OPCML: variants seen among roughly 807,000 people sequenced by gnomAD.
OPCML encodes the protein opioid-binding protein/cell adhesion molecule.
In OPCML, 13 loss-of-function variants were observed where a neutral mutation model predicts 37.8. The ratio of observed to expected loss-of-function variants is 0.34; its 90% CI spans 0.22 to 0.55. The LOEUF (loss-of-function observed/expected upper bound fraction) is 0.55, where lower values mean the gene tolerates loss of function less well. Ranked by LOEUF, OPCML falls within the 20% of genes least tolerant of loss-of-function variation. The probability of loss-of-function intolerance (pLI) is 0.91; values close to 1 mark genes in which losing one functional copy is unlikely to be tolerated. For missense variants in OPCML, 341 were observed against 435.6 expected, an observed-to-expected ratio of 0.78 and a Z score of 1.93; for synonymous variants, 176 against 168.8, an observed-to-expected ratio of 1.04 and a Z score of -0.33.
At chr11:133,118,677 TC>T (rs1233236258) in intron 1 of OPCML, among the ~76,000 whole-genome samples, 3 of 151,778 alleles carry the variant, frequency 2.0e-5, no homozygotes, top group Non-Finnish European at 2.9e-5. Context: ...TGTCCCCAGT[TC>T]ACTCCCGCTC....
chr11:132,440,018 G>A (rs757815721), intron 4 of OPCML, among the ~76,000 whole-genome samples: 4 of 152,166 alleles, frequency 2.6e-5, no homozygotes, highest in African/African-American at 7.2e-5. Flanking sequence ...TGACCTACAC[G>A]TAGGGAGGGG....
intron 2 of OPCML, among the ~76,000 whole-genome samples, chr11:132,882,071 T>C (rs927056856): frequency 5.9e-5 from 9 of 152,100 alleles, no homozygotes; most frequent in Non-Finnish European, 1.3e-4. Flanking sequence ...AGGACAGAAG[T>C]CATTTGGTGT....
intron 7 of OPCML, among the ~76,000 whole-genome samples, chr11:132,428,321 C>T (rs1480556326): frequency 1.3e-5 from 2 of 152,300 alleles, no homozygotes; most frequent in Middle Eastern, 3.4e-3. Flanking sequence ...TGTATAGAGG[C>T]TATAACTGAT....
chr11:132,560,570 T>C (rs767692089), intron 3 of OPCML, among the ~76,000 whole-genome samples: 9 of 152,208 alleles, frequency 5.9e-5, no homozygotes, highest in Non-Finnish European at 1.2e-4. Context: ...TGTTTTCTCA[T>C]AGTTTAGCTC....
chr11:133,321,021 T>C (rs1396278276), intron 1 of OPCML, among the ~76,000 whole-genome samples: 5 of 152,024 alleles, frequency 3.3e-5, no homozygotes, highest in Non-Finnish European at 5.9e-5. Flanking sequence ...CTCCTCTTCT[T>C]AAGGAGACTT....
chr11:132,424,217 T>A (rs2136667082), intron 7 of OPCML, among the ~76,000 whole-genome samples: 1 of 152,182 alleles, frequency 6.6e-6, no homozygotes, highest in Non-Finnish European at 1.5e-5. Flanking sequence ...CCTCCTGGGT[T>A]CACGCCGTTC....
chr11:133,050,961 C>G (rs139302602), intron 1 of OPCML, among the ~76,000 whole-genome samples: 1 of 152,080 alleles, frequency 6.6e-6, no homozygotes, highest in Admixed American at 6.6e-5. Context: ...AACAGGTGCT[C>G]TCTGTCCCCA....
chr11:133,184,638 A>G (rs1158391066), intron 1 of OPCML, among the ~76,000 whole-genome samples: 1 of 152,202 alleles, frequency 6.6e-6, no homozygotes, highest in Non-Finnish European at 1.5e-5. Context: ...TAAATTAACT[A>G]TCTACTTAGA....
intron 2 of OPCML, among the ~76,000 whole-genome samples, chr11:132,897,490 G>A (rs1377935450): frequency 6.6e-6 from 1 of 152,188 alleles, no homozygotes; most frequent in East Asian, 1.9e-4. Context: ...AATGTCCTTG[G>A]TGTCTACTCC....
At chr11:132,982,634 C>G (rs948431151) in intron 1 of OPCML, among the ~76,000 whole-genome samples, 4 of 152,156 alleles carry the variant, frequency 2.6e-5, no homozygotes, top group Non-Finnish European at 4.4e-5. Flanking sequence ...CTTCACCCTT[C>G]ACCTTGGTTC....
At chr11:132,911,378 G>A (rs1944423065) in intron 2 of OPCML, among the ~76,000 whole-genome samples, 1 of 152,196 alleles carries the variant, frequency 6.6e-6, no homozygotes, top group African/African-American at 2.4e-5. Flanking sequence ...CTATGGTGCA[G>A]AAAGAGACAC....
At chr11:133,515,328 T>C (rs1183523648) in intron 1 of OPCML, among the ~76,000 whole-genome samples, 1 of 152,144 alleles carries the variant, frequency 6.6e-6, no homozygotes, top group African/African-American at 2.4e-5. Context: ...ATGATTTTGC[T>C]CCCCAGGGGG....
At chr11:133,028,436 C>T (rs907628938) in intron 1 of OPCML, among the ~76,000 whole-genome samples, 1 of 151,988 alleles carries the variant, frequency 6.6e-6, no homozygotes, top group East Asian at 1.9e-4. Flanking sequence ...TCCCACCACG[C>T]CACTCACTTT....
chr11:132,441,108 A>G (rs971809658), intron 4 of OPCML, among the ~76,000 whole-genome samples: 1 of 151,680 alleles, frequency 6.6e-6, no homozygotes, highest in African/African-American at 2.4e-5. Flanking sequence ...GGGGTAAGCA[A>G]GATGGCCTGT....
intron 2 of OPCML, among the ~76,000 whole-genome samples, chr11:132,807,555 G>T (rs1344945160): frequency 1.3e-5 from 2 of 152,198 alleles, no homozygotes; most frequent in Admixed American, 6.5e-5. Context: ...CACACATACT[G>T]GTTCTGAATG....
intron 1 of OPCML, among the ~76,000 whole-genome samples, chr11:133,364,763 C>T (rs1396685975): frequency 6.6e-6 from 1 of 151,908 alleles, no homozygotes; most frequent in African/African-American, 2.4e-5. Flanking sequence ...TTAGTGAGAA[C>T]TCTGAATTTT....
At chr11:133,140,606 A>C (rs1949765308) in intron 1 of OPCML, among the ~76,000 whole-genome samples, 1 of 148,066 alleles carries the variant, frequency 6.8e-6, no homozygotes, top group African/African-American at 2.5e-5. Flanking sequence ...AGAAAGAAGA[A>C]AGAGAAGAAG....
intron 1 of OPCML, among the ~76,000 whole-genome samples, chr11:133,191,623 A>G (rs938587987): frequency 1.3e-5 from 2 of 151,634 alleles, no homozygotes; most frequent in Non-Finnish European, 2.9e-5. Context: ...CCTCTTCAGT[A>G]GCTGGGATTA....
intron 1 of OPCML, among the ~76,000 whole-genome samples, chr11:133,264,637 A>T (rs578089381): frequency 6.6e-6 from 1 of 152,176 alleles, no homozygotes; most frequent in Non-Finnish European, 1.5e-5. Flanking sequence ...CACATATGGC[A>T]ATTTTATAAG....
Sources: gnomAD v4.1 joint callset for allele counts (sites outside exome capture counted in the v4.1 genomes callset) on GRCh38, gnomAD v4.1.1 for gene constraint, MANE v1.5 for transcripts, NCBI Gene and HGNC (gene_info 2026-07-23, HGNC 2026-07-21) for gene names.